Variants in PLEKHM3 observed in about 807,000 individuals in gnomAD.
The protein encoded by PLEKHM3 is pleckstrin homology domain containing M3.
A neutral mutation model predicts 81.8 loss-of-function variants in PLEKHM3; 45 were observed. That is an observed-to-expected ratio of 0.55 (90% CI 0.43 to 0.71). The LOEUF (loss-of-function observed/expected upper bound fraction) is 0.71. Among genes scored for constraint, PLEKHM3 ranks in the 30% least tolerant of loss-of-function variants. PLEKHM3 has a pLI of 0.00. For missense variants in PLEKHM3, 788 were observed against 924.3 expected, an observed-to-expected ratio of 0.85 and a Z score of 1.91; for synonymous variants, 352 against 356.4, an observed-to-expected ratio of 0.99 and a Z score of 0.14.
In PLEKHM3 at chr2:207,995,239, A is replaced by G. The variant is rs191428473; in HGVS notation, c.610+5791T>C. 1.1e-3 allele frequency among the ~76,000 whole-genome samples: 164 copies of G among 152,350 alleles called. 1 individual carries two copies. Among genetic ancestry groups the G allele is most frequent in the Admixed American group, 6.8e-3 (104 of 15,304 alleles). On this transcript the variant is annotated intron_variant, in intron 2 of 7. Coordinates refer to ENST00000427836, the MANE Select transcript of PLEKHM3 (RefSeq NM_001080475.3). Reference sequence around the variant, plus strand: ...AGTGAATAAGTTAAATGCAGGAAACAATCCTTGCTTAGCTGGATTGCTTTG... The same window carrying G: ...AGTGAATAAGTTAAATGCAGGAAACGATCCTTGCTTAGCTGGATTGCTTTG...
At chr2:207,918,854 G>C (rs1300888305) in intron 5 of PLEKHM3, among the ~76,000 whole-genome samples, 1 of 152,200 alleles carries the variant, frequency 6.6e-6, no homozygotes. Flanking sequence ...CTAGCAGAAA[G>C]GGCAGCGCCA....
Position 207,931,192 on chromosome 2 carries a change from T to C in PLEKHM3, c.1693-73A>G, listed in dbSNP as rs931305026. 1.1e-5 allele frequency: 15 copies of C among 1,328,624 alleles called. No individual in the cohort carries two copies. In the African/African-American group the frequency reaches 1.8e-4, roughly 16 times the overall value. 82.3% of individuals were successfully genotyped at this position (1,328,624 alleles called of 1,614,324 possible). On this transcript the variant is annotated intron_variant, in intron 4 of 7. Transcript: ENST00000427836. ...CCACACCTGCTCAAACTAGGAACCA[T>C]AGCTGAAATATCAAAGGAACACGAT...
chr2:207,950,409 G>A (rs896596336), intron 3 of PLEKHM3, among the ~76,000 whole-genome samples: 1 of 152,306 alleles, frequency 6.6e-6, no homozygotes, highest in South Asian at 2.1e-4. Context: ...CAAAATAAAC[G>A]TGTTAGCTTT....
intron 7 of PLEKHM3, among the ~76,000 whole-genome samples, chr2:207,833,868 C>A (rs1169035492): frequency 6.6e-6 from 1 of 152,230 alleles, no homozygotes; most frequent in Non-Finnish European, 1.5e-5. Flanking sequence ...TTCTTACCAA[C>A]CAATAAGGTC....
At chr2:207,882,823 A>G (rs561363656) in intron 6 of PLEKHM3, among the ~76,000 whole-genome samples, 2 of 152,228 alleles carry the variant, frequency 1.3e-5, no homozygotes, top group South Asian at 4.1e-4. Flanking sequence ...ACAGTTTTTA[A>G]AAGTTTTTTT....
intron 3 of PLEKHM3, among the ~76,000 whole-genome samples, chr2:207,953,315 A>G (rs1429735315): frequency 2.0e-5 from 3 of 152,270 alleles, no homozygotes; most frequent in Non-Finnish European, 4.4e-5. Context: ...GGAAATACAC[A>G]TGCTCAAATA....
intron 2 of PLEKHM3, among the ~76,000 whole-genome samples, chr2:207,980,783 C>T (rs183181624): frequency 9.9e-5 from 15 of 152,136 alleles, no homozygotes; most frequent in African/African-American, 3.6e-4. Flanking sequence ...ATTGCCAAGG[C>T]TGGGGAAATG....
rs1053873881 is a variant in PLEKHM3 at position 207,826,907 on chromosome 2, C to T, written c.*1412G>A. 6.6e-6 allele frequency: 1 copy of T among 152,156 alleles called. No homozygotes were observed. The highest frequency in any genetic ancestry group is 6.5e-5 in the Admixed American group (1 of 15,274). 9.4% of individuals were successfully genotyped at this position (152,156 alleles called of 1,614,324 possible). On this transcript the variant is annotated 3_prime_UTR_variant, in exon 8 of 8. Coordinates refer to ENST00000427836, the MANE Select transcript of PLEKHM3 (RefSeq NM_001080475.3). ...GAGAGTTAAGGGGAAGGAATGGGAG[C>T]TGTCAGGGTCCCAGGGCTGTCCTAC... is the stretch of plus-strand genomic sequence containing the variant.
chr2:207,841,969 T>G (rs1229426435), intron 7 of PLEKHM3, among the ~76,000 whole-genome samples: 11 of 152,180 alleles, frequency 7.2e-5, no homozygotes, highest in Admixed American at 7.2e-4. Flanking sequence ...ACGGAGTCTC[T>G]CTCTGTCACC....
At chr2:208,006,906 T>C (rs1170105045) in intron 1 of PLEKHM3, among the ~76,000 whole-genome samples, 1 of 152,218 alleles carries the variant, frequency 6.6e-6, no homozygotes, top group Non-Finnish European at 1.5e-5. Context: ...AGTGTATCGC[T>C]ATTTCCTAAC....
intron 6 of PLEKHM3, among the ~76,000 whole-genome samples, chr2:207,876,496 C>A (rs1204860987): frequency 6.6e-6 from 1 of 152,160 alleles, no homozygotes; most frequent in Non-Finnish European, 1.5e-5. Flanking sequence ...ATGACTATAT[C>A]AGGCTTGTTT....
chr2:207,844,333 C>T (rs1272774018), intron 7 of PLEKHM3, among the ~76,000 whole-genome samples: 1 of 145,754 alleles, frequency 6.9e-6, no homozygotes, highest in East Asian at 2.0e-4. Context: ...GACGGAGTCT[C>T]GCTCTGTTGC....
intron 6 of PLEKHM3, among the ~76,000 whole-genome samples, chr2:207,887,268 A>G (rs1256073718): frequency 2.0e-5 from 3 of 152,212 alleles, no homozygotes; most frequent in African/African-American, 7.2e-5. Context: ...CTTACTACAA[A>G]TGCATCTAAG....
chr2:207,873,059 G>T (rs1259848670), intron 6 of PLEKHM3, among the ~76,000 whole-genome samples: 1 of 152,080 alleles, frequency 6.6e-6, no homozygotes, highest in African/African-American at 2.4e-5. Context: ...AGTTAGGAGA[G>T]ACATGAAAGG....
chr2:207,905,160 A>G (rs565978226), intron 6 of PLEKHM3, among the ~76,000 whole-genome samples: 4 of 152,216 alleles, frequency 2.6e-5, no homozygotes, highest in Admixed American at 1.3e-4. Flanking sequence ...TTTCTGATTT[A>G]TAACTCTTGA....
In PLEKHM3 at chr2:207,920,894, A is replaced by G. The variant is rs1214346106; in HGVS notation, c.1886+10032T>C. Among the ~76,000 whole-genome samples the G allele has an allele frequency of 2.0e-5, 3 of 152,258 alleles. No homozygotes were observed. In the East Asian group the frequency reaches 5.8e-4, roughly 29 times the overall value. On this transcript the variant is annotated intron_variant, in intron 5 of 7. Transcript: ENST00000427836. The stretch of plus-strand genomic sequence containing the variant: ...CATGCCTGGTTCTCCACGGCTGATC[A>G]AGCTTGCCAACGAGCACAGGAGTGC...
intron 7 of PLEKHM3, among the ~76,000 whole-genome samples, chr2:207,856,679 T>C (rs1344377343): frequency 3.9e-5 from 6 of 152,224 alleles, no homozygotes; most frequent in African/African-American, 1.4e-4. Context: ...TTCCGTTGTA[T>C]GGATATGCCA....
chr2:207,911,094 G>A (rs978569806), intron 5 of PLEKHM3, among the ~76,000 whole-genome samples: 4 of 152,128 alleles, frequency 2.6e-5, no homozygotes, highest in Non-Finnish European at 5.9e-5. Context: ...GGCCTGAGAT[G>A]TAGAAGACCC....
chr2:207,863,927 A>ATG (rs2092481883), intron 6 of PLEKHM3, among the ~76,000 whole-genome samples: 1 of 151,340 alleles, frequency 6.6e-6, no homozygotes, highest in African/African-American at 2.4e-5. Context: ...ATATATATAT[A>ATG]TTAGAAAAGC....
Sources: allele counts gnomAD v4.1 joint callset (sites outside exome capture counted in the v4.1 genomes callset), GRCh38; gene constraint gnomAD v4.1.1; transcripts MANE v1.5; gene names NCBI Gene and HGNC (gene_info 2026-07-23, HGNC 2026-07-21).